The following FBN2 variants were observed in gnomAD, a reference collection of about 807,000 sequenced individuals.
FBN2 encodes the protein fibrillin-2.
FBN2 carries 105 observed loss-of-function variants against 355.6 expected under a neutral mutation model. The observed-to-expected ratio is 0.30, with a 90% CI of 0.25 to 0.35. The LOEUF is 0.35. Ranked by LOEUF, FBN2 falls within the 10% of genes least tolerant of loss-of-function variation. FBN2 has a pLI of 1.00. For synonymous variants in FBN2, 1,350 were observed against 1,301.2 expected (o/e 1.04, Z -0.81); for missense variants, 3,280 against 3,758.7 (o/e 0.87, Z 3.33).
At chr5:128,345,763 A>G (rs1261078072) in intron 23 of FBN2, among the ~76,000 whole-genome samples, 179 bp from the exon 24 acceptor site, 1 of 152,198 alleles carries the variant, frequency 6.6e-6, no homozygotes, top group African/African-American at 2.4e-5. Context: ...TAAGGAGAAC[A>G]AAGGTGAGAT....
intron 17 of FBN2, chr5:128,365,366 C>G (rs1034175131): frequency 5.3e-5 from 8 of 152,156 alleles, no homozygotes; most frequent in African/African-American, 1.9e-4. Flanking sequence ...CCAATAGAGG[C>G]TGGCTCTGCT....
chr5:128,464,986 T>C, intron 5 of FBN2, 65 bp from the exon 6 acceptor site: 2 of 1,419,164 alleles, frequency 1.4e-6, no homozygotes, highest in South Asian at 1.2e-5. Flanking sequence ...TACCAGTGCC[T>C]CCAAATGCAT....
At chr5:128,475,922 A>AT (rs1754996931) in intron 5 of FBN2, among the ~76,000 whole-genome samples, 1 of 152,206 alleles carries the variant, frequency 6.6e-6, no homozygotes, top group South Asian at 2.1e-4. Context: ...GCCTGAAATG[A>AT]TAACAACAGG....
chr5:128,280,520 T>C (rs565912332), intron 55 of FBN2, among the ~76,000 whole-genome samples: 2 of 152,346 alleles, frequency 1.3e-5, no homozygotes, highest in South Asian at 4.1e-4. Flanking sequence ...GATAATGTTG[T>C]CTTCTTCTTT....
At chr5:128,430,328 T>C (rs1222556274) in intron 7 of FBN2, among the ~76,000 whole-genome samples, 1 of 152,176 alleles carries the variant, frequency 6.6e-6, no homozygotes, top group Non-Finnish European at 1.5e-5. Context: ...AATTCTCTTA[T>C]GTTGTATTAT....
intron 16 of FBN2, among the ~76,000 whole-genome samples, chr5:128,368,475 T>C (rs920093729): frequency 6.8e-6 from 1 of 146,908 alleles, no homozygotes; most frequent in Admixed American, 6.9e-5. Flanking sequence ...TACATATATA[T>C]ACATATATAT....
intron 8 of FBN2, among the ~76,000 whole-genome samples, chr5:128,397,430 G>T (rs543994101): frequency 7.0e-4 from 107 of 152,244 alleles, no homozygotes; most frequent in Middle Eastern, 6.8e-3. Context: ...TTGTAATATA[G>T]AATTTGAAAA....
At chr5:128,269,486 A>G (rs933830786) in intron 62 of FBN2, among the ~76,000 whole-genome samples, 1 of 151,302 alleles carries the variant, frequency 6.6e-6, no homozygotes. Flanking sequence ...CCAACAAACC[A>G]TTGTCTCAGC....
intron 7 of FBN2, among the ~76,000 whole-genome samples, chr5:128,431,099 A>G (rs568538602): frequency 1.2e-4 from 18 of 152,360 alleles, no homozygotes; most frequent in African/African-American, 4.3e-4. Flanking sequence ...AAGATTAGAA[A>G]GAGAAGTAAT....
chr5:128,530,593 A>C lies in FBN2; in HGVS notation c.436+2T>G. On this transcript the variant is annotated splice_donor_variant, in intron 3 of 64. Coordinates refer to ENST00000262464, the MANE Select transcript of FBN2 (RefSeq NM_001999.4). LOFTEE classifies it high-confidence loss of function. Reference sequence around the variant, plus strand: ...TGAAAAGGCCACAAGTAAGAAACATACTTGATTTTGATCCACAGGTTGATG... The same window carrying C: ...TGAAAAGGCCACAAGTAAGAAACATCCTTGATTTTGATCCACAGGTTGATG... 6.2e-7 allele frequency: 1 copy of C among 1,601,730 alleles called. No homozygotes were observed.
At chr5:128,483,627 A>G (rs1344094997) in intron 5 of FBN2, among the ~76,000 whole-genome samples, 2 of 151,948 alleles carry the variant, frequency 1.3e-5, no homozygotes, top group Non-Finnish European at 2.9e-5. Flanking sequence ...CACTAATTCT[A>G]TGTTAAAGCC....
At chr5:128,295,041 G>A (rs1203718245) in intron 48 of FBN2, among the ~76,000 whole-genome samples, 1 of 151,290 alleles carries the variant, frequency 6.6e-6, no homozygotes, top group Non-Finnish European at 1.5e-5. Context: ...TCTAGTTTCA[G>A]CTTTCTACAT....
At chr5:128,323,169 C>T (rs943823785) in intron 34 of FBN2, among the ~76,000 whole-genome samples, 3 of 152,094 alleles carry the variant, frequency 2.0e-5, no homozygotes, top group African/African-American at 7.2e-5. Flanking sequence ...CGAGATGATG[C>T]GGTTTTCTAA....
In FBN2 at chr5:128,514,723, C is replaced by T. The variant is rs538718950; in HGVS notation, c.628+4550G>A. On this transcript the variant is annotated intron_variant, in intron 5 of 64. Coordinates refer to ENST00000262464, the MANE Select transcript of FBN2 (RefSeq NM_001999.4). ...TTGTGTTATTACAACGTGCAGTGTA[C>T]GTTATAGTCTCCAAGACATTAACGG... 6.5e-4 allele frequency among the ~76,000 whole-genome samples: 99 copies of T among 152,206 alleles called. 1 individual carries two copies. The highest frequency in any genetic ancestry group is 1.2e-3 in the Non-Finnish European group (80 of 68,000).
intron 5 of FBN2, among the ~76,000 whole-genome samples, chr5:128,479,588 C>T (rs916936973): frequency 6.6e-6 from 1 of 151,896 alleles, no homozygotes; most frequent in Non-Finnish European, 1.5e-5. Context: ...AATGGCTGAA[C>T]CAGGTGAAAA....
chr5:128,285,803 T>C (rs1016794857), intron 55 of FBN2, among the ~76,000 whole-genome samples: 3 of 152,204 alleles, frequency 2.0e-5, no homozygotes, highest in Non-Finnish European at 2.9e-5. Flanking sequence ...ATAAAGATAG[T>C]ATAATATAAA....
At chr5:128,333,325 C>A (rs1750743444) in intron 31 of FBN2, among the ~76,000 whole-genome samples, 1 of 152,102 alleles carries the variant, frequency 6.6e-6, no homozygotes, top group South Asian at 2.1e-4. Context: ...TATCCTGGGG[C>A]CTTCTTCCCT....
intron 5 of FBN2, among the ~76,000 whole-genome samples, chr5:128,493,989 T>C (rs1169949785): frequency 7.0e-6 from 1 of 142,180 alleles, no homozygotes; most frequent in African/African-American, 3.1e-5. Flanking sequence ...AGACATGTCA[T>C]ATGCAAGGTT....
intron 8 of FBN2, among the ~76,000 whole-genome samples, chr5:128,400,098 A>AG (rs1752758243): frequency 6.6e-6 from 1 of 151,998 alleles, no homozygotes; most frequent in African/African-American, 2.4e-5. Context: ...CATAAGGAAG[A>AG]GGAAAGATTG....
Sources: allele counts gnomAD v4.1 joint callset (sites outside exome capture counted in the v4.1 genomes callset), GRCh38; gene constraint gnomAD v4.1.1; transcripts MANE v1.5; gene names NCBI Gene and HGNC (gene_info 2026-07-23, HGNC 2026-07-21).